TCEAL4: variants seen among roughly 807,000 people sequenced by gnomAD.
TCEAL4 encodes the protein transcription elongation factor A protein-like 4.
A neutral mutation model predicts 1.3 loss-of-function variants in TCEAL4; 1 was observed. That is an observed-to-expected ratio of 0.79 (90% CI 0.28 to 3.76). The LOEUF (loss-of-function observed/expected upper bound fraction) is 3.76, where lower values mean the gene tolerates loss of function less well. Among genes scored for constraint, TCEAL4 ranks in the 30% most tolerant of loss-of-function variants. TCEAL4 has a pLI of 0.18. For missense variants in TCEAL4, 129 were observed against 154.7 expected, an observed-to-expected ratio of 0.83 and a Z score of 0.88; for synonymous variants, 54 against 50.7, an observed-to-expected ratio of 1.06 and a Z score of -0.28.
At chrX:103,579,250 T>A (rs756245470) in intron 2 of TCEAL4, among the ~76,000 whole-genome samples, 20 of 112,354 alleles carry the variant, frequency 1.8e-4, no homozygotes, top group African/African-American at 3.9e-4. Flanking sequence ...TCCTTTTTTT[T>A]AAATATTGTT....
At position 103,585,522 on chromosome X, in the gene TCEAL4, C is replaced by A; in HGVS notation, c.-203C>A. 8.7e-7 allele frequency: 1 copy of A among 1,146,764 alleles called. No homozygotes were observed. Among genetic ancestry groups the A allele is most frequent in the Non-Finnish European group, 1.2e-6 (1 of 860,222 alleles). 94.5% of individuals were successfully genotyped at this position (1,146,764 alleles called of 1,213,427 possible). On this transcript the variant is annotated 5_prime_UTR_variant, in exon 1 of 3. Transcript: ENST00000472484. ...GCGGCATTCACGTGATCTGCACGGG[C>A]GCAGATGTAGGCACCGGTCCGAGTG...
intron 2 of TCEAL4, 29 bp downstream of exon 2, chrX:103,586,320 A>G: frequency 2.6e-6 from 3 of 1,164,339 alleles, no homozygotes; most frequent in Non-Finnish European, 3.4e-6. Context: ...CTGCATGGAC[A>G]GGGGCCCACA....
At chrX:103,579,986 A>T (rs1211874551) in intron 2 of TCEAL4, among the ~76,000 whole-genome samples, 3 of 111,895 alleles carry the variant, frequency 2.7e-5, no homozygotes, top group Non-Finnish European at 5.6e-5. Flanking sequence ...TCAGTACTAT[A>T]TTGGTTAAAA....
chrX:103,585,782 G>T, intron 1 of TCEAL4, 158 bp downstream of exon 1: 1 of 1,128,295 alleles, frequency 8.9e-7, no homozygotes, highest in East Asian at 3.3e-5. Context: ...GCTAGGGGTG[G>T]CTGAGGGGGA....
chrX:103,581,994 C>T (rs900738119), upstream of TCEAL4, among the ~76,000 whole-genome samples: 4 of 112,109 alleles, frequency 3.6e-5, no homozygotes. Context: ...ATCTAGAAAA[C>T]GCCATTGTCT....
chrX:103,585,212 C>A (rs1478708047), upstream of TCEAL4, among the ~76,000 whole-genome samples: 1 of 110,967 alleles, frequency 9.0e-6, no homozygotes, highest in African/African-American at 3.3e-5. Flanking sequence ...ATATTCTATT[C>A]TTTATACAGT....
chrX:103,583,951 G>A (rs753134924), upstream of TCEAL4, among the ~76,000 whole-genome samples: 212 of 110,915 alleles, frequency 1.9e-3, no homozygotes, highest in African/African-American at 6.8e-3. Context: ...TTTTTGAGAC[G>A]AAGTCTCACT....
Position 103,586,982 on chromosome X carries a change from G to A in TCEAL4, c.307G>A (p.Glu103Lys). The A allele has an allele frequency of 8.3e-7, 1 of 1,211,408 alleles. No individual in the cohort carries two copies. Among genetic ancestry groups the A allele is most frequent in the Non-Finnish European group, 1.1e-6 (1 of 895,450 alleles). ...KPEIEGKPES[E>K]GEPGSETRAA... Reference sequence around the variant, plus strand: ...AGAGATAGAGGGAAAGCCAGAGAGTGAAGGAGAGCCAGGGAGTGAAACAAG... The same window carrying A: ...AGAGATAGAGGGAAAGCCAGAGAGTAAAGGAGAGCCAGGGAGTGAAACAAG... Residue 103 changes from glutamate (E) to lysine (K), a missense_variant, in exon 3 of 3, where the codon GAA becomes AAA. By Grantham distance (56) the Glu-to-Lys change is moderately conservative. Around this residue, in one of 2 missense-constraint regions of TCEAL4, gnomAD observed 116 missense variants for 120.3 expected, o/e 0.96. Coordinates refer to ENST00000472484, the MANE Select transcript of TCEAL4 (RefSeq NM_001006935.3).
Position 103,585,583 on chromosome X carries a change from T to C in TCEAL4, c.-142T>C. The C allele has an allele frequency of 8.6e-7, 1 of 1,164,772 alleles. No homozygotes were observed. Among genetic ancestry groups the C allele is most frequent in the Non-Finnish European group, 1.1e-6 (1 of 872,082 alleles). The stretch of plus-strand genomic sequence containing the variant: ...GTCCCCGCGGCTGGGTCTCGTCTGC[T>C]CCGGTTCCTGGGCTCCTAATTCTTG... On this transcript the variant is annotated 5_prime_UTR_variant, in exon 1 of 3. Coordinates refer to ENST00000472484, the MANE Select transcript of TCEAL4 (RefSeq NM_001006935.3).
upstream of TCEAL4, among the ~76,000 whole-genome samples, chrX:103,584,030 C>A (rs2073521142): frequency 9.1e-6 from 1 of 110,271 alleles, no homozygotes; most frequent in Admixed American, 9.6e-5. Flanking sequence ...CGGGTTCAAG[C>A]AATTCTCCTG....
At chrX:103,586,552 T>C in intron 2 of TCEAL4, 97 bp from the exon 3 acceptor site, 1 of 1,044,715 alleles carries the variant, frequency 9.6e-7, no homozygotes, top group Non-Finnish European at 1.3e-6. Context: ...TCATCAGGGG[T>C]GAGATGCAAG....
chrX:103,577,242 G>A, intron 2 of TCEAL4: 3 of 1,147,547 alleles, frequency 2.6e-6, no homozygotes, highest in Non-Finnish European at 3.5e-6. Context: ...TATGCATATA[G>A]ATATTCAATA....
exon 1 of TCEAL4, chrX:103,576,233 G>A: frequency 2.5e-6 from 1 of 397,685 alleles, no homozygotes; most frequent in Admixed American, 4.4e-5. Context: ...TGTTTCCTTT[G>A]GTCTAAGACA....
Position 103,586,453 on chromosome X carries a change from C to CA in TCEAL4, c.-28+164dup, listed in dbSNP as rs760191449. On this transcript the variant is annotated intron_variant, in intron 2 of 2. Transcript: ENST00000472484. The stretch of plus-strand genomic sequence containing the variant: ...AGAGAAAGTGGCAGAGCCTGTCAGG[C>CA]AATGGCTGGCTCACGTGTGTGGGAG... 4.3e-3 allele frequency: 3,558 copies of CA among 820,351 alleles called. 12 individuals are homozygous for CA. The highest frequency in any genetic ancestry group is 5.8e-3 in the Non-Finnish European group (3,395 of 584,555). 67.6% of individuals were successfully genotyped at this position (820,351 alleles called of 1,213,427 possible). A position where few individuals can be genotyped will look rare whatever the true frequency, so the allele number is the denominator to read the frequency against.
chrX:103,585,769 A>C, intron 1 of TCEAL4, 145 bp downstream of exon 1: 1 of 1,141,603 alleles, frequency 8.8e-7, no homozygotes, highest in Middle Eastern at 2.9e-4. Context: ...CGGTGGGAAA[A>C]CGGCTAGGGG....
chrX:103,576,873 C>T (rs1156669677), intron 1 of TCEAL4, among the ~76,000 whole-genome samples: 2 of 112,244 alleles, frequency 1.8e-5, no homozygotes, highest in South Asian at 3.7e-4. Context: ...TTATTGCTGG[C>T]TTTTGGATTA....
chrX:103,584,069 A>C (rs1282521021), upstream of TCEAL4, among the ~76,000 whole-genome samples: 2 of 109,458 alleles, frequency 1.8e-5, no homozygotes, highest in Non-Finnish European at 3.8e-5. Flanking sequence ...CTGGGATTAC[A>C]GGCGCCCACC....
chrX:103,585,502 A>C (rs944624252), upstream of TCEAL4: 21 of 1,120,773 alleles, frequency 1.9e-5, no homozygotes, highest in Non-Finnish European at 2.4e-5. Context: ...GGGCTGCGGC[A>C]TTCACGTGAT....
At chrX:103,584,637 G>A (rs1356995384), upstream of TCEAL4, among the ~76,000 whole-genome samples, 1 of 112,521 alleles carries the variant, frequency 8.9e-6, no homozygotes, top group Non-Finnish European at 1.9e-5. Context: ...CTACCCATAA[G>A]AGAACAAACA....
Sources: gnomAD v4.1 joint callset for allele counts (sites outside exome capture counted in the v4.1 genomes callset) on GRCh38, gnomAD v4.1.1 for gene constraint, gnomAD v4.1.1 regional missense constraint, MANE v1.5 for transcripts, NCBI Gene and HGNC (gene_info 2026-07-23, HGNC 2026-07-21) for gene names.